Variants in MARK4 observed in about 807,000 individuals in gnomAD.
The protein encoded by MARK4 is MAP/microtubule affinity-regulating kinase 4.
A neutral mutation model predicts 81.5 loss-of-function variants in MARK4; 19 were observed. The ratio of observed to expected loss-of-function variants is 0.23; its 90% CI spans 0.16 to 0.34. The LOEUF (loss-of-function observed/expected upper bound fraction) is 0.34. MARK4 is among the 10% of genes least tolerant of loss of function. The pLI, the probability that MARK4 is intolerant of heterozygous loss-of-function variation, is 1.00. For missense variants in MARK4, 772 were observed against 1,058.8 expected (o/e 0.73, Z 3.76); for synonymous variants, 436 against 439.0 (o/e 0.99, Z 0.08).
intron 7 of MARK4, 103 bp downstream of exon 7, chr19:45,266,384 C>A: frequency 9.0e-7 from 1 of 1,114,076 alleles, no homozygotes; most frequent in Non-Finnish European, 1.4e-6. Flanking sequence ...GCAAATTCCT[C>A]CAGCCCTTTT....
At chr19:45,270,027 C>T (rs1369055659) in intron 7 of MARK4, among the ~76,000 whole-genome samples, 1 of 152,028 alleles carries the variant, frequency 6.6e-6, no homozygotes, top group Non-Finnish European at 1.5e-5. Context: ...AGGGTTTTAC[C>T]ATGTTGCCCA....
chr19:45,259,340 A>G, intron 2 of MARK4, 151 bp downstream of exon 2: 2 of 827,056 alleles, frequency 2.4e-6, no homozygotes, highest in East Asian at 5.4e-5. Context: ...AATATCTCTG[A>G]TGTTCCCAGA....
intron 8 of MARK4, among the ~76,000 whole-genome samples, chr19:45,273,429 C>T (rs1005405401): frequency 5.9e-5 from 9 of 152,156 alleles, no homozygotes; most frequent in African/African-American, 2.2e-4. Flanking sequence ...ACAGGAAATA[C>T]AGCAGTGGTA....
intron 1 of MARK4, among the ~76,000 whole-genome samples, chr19:45,254,457 T>TG (rs911122042): frequency 2.0e-5 from 3 of 152,176 alleles, no homozygotes; most frequent in Admixed American, 6.5e-5. Context: ...CCTGCCTCCC[T>TG]GGTCTCTCCT....
At chr19:45,262,453 TC>T (rs1970393110) in intron 2 of MARK4, among the ~76,000 whole-genome samples, 1 of 152,198 alleles carries the variant, frequency 6.6e-6, no homozygotes, top group South Asian at 2.1e-4. Flanking sequence ...AAGCGCATAG[TC>T]CTTGTAGTGA....
At chr19:45,276,622 AT>A (rs764253527) in intron 8 of MARK4, among the ~76,000 whole-genome samples, 10,972 of 123,614 alleles carry the variant, frequency 0.089, 413 homozygotes, top group Middle Eastern at 0.12. Flanking sequence ...CATTTTACAG[AT>A]TTTTTTTTTT....
At chr19:45,266,825 T>C (rs372948734) in intron 7 of MARK4, among the ~76,000 whole-genome samples, 2,359 of 146,670 alleles carry the variant, frequency 0.016, 78 homozygotes, top group African/African-American at 0.057. Flanking sequence ...CTCCGCCTCC[T>C]GGGTTCACAC....
chr19:45,263,158 C>A lies in MARK4; in HGVS notation c.298C>A (p.Leu100Met), dbSNP rs1386706763. 1.9e-6 allele frequency: 3 copies of A among 1,609,374 alleles called. No individual in the cohort carries two copies. In the East Asian group the frequency reaches 6.7e-5, roughly 36 times the overall value. The stretch of plus-strand genomic sequence containing the variant: ...CAAAACCCAGCTGAATCCCAGCAGC[C>A]TGCAGAAGGTGAGGCTGGGGAGACG... ...IDKTQLNPSS[L>M]QKLFREVRIM... The change falls in exon 3 of 17, where the codon CTG becomes ATG. Residue 100 changes from leucine to methionine, a missense_variant. Around this residue, in one of 3 missense-constraint regions of MARK4, gnomAD observed 115 missense variants for 139.8 expected, o/e 0.82. Transcript: ENST00000262891.
In MARK4 at chr19:45,271,794, T is replaced by G; in HGVS notation, c.786+86T>G. 1.5e-6 allele frequency: 2 copies of G among 1,293,558 alleles called. No homozygotes were observed. Among genetic ancestry groups the G allele is most frequent in the South Asian group, 2.7e-5 (2 of 73,058 alleles). The allele number at this position is 1,293,558 out of a possible 1,614,324, so 80.1% of individuals were successfully genotyped here. ...CCCCACACCTCCCCTGCAGAGGGCC[T>G]CAGTGGTGGGACTGGCCTGAGTTCT... is the stretch of plus-strand genomic sequence containing the variant. On this transcript the variant is annotated intron_variant, in intron 8 of 16. Coordinates refer to ENST00000262891, the MANE Select transcript of MARK4 (RefSeq NM_001199867.2). The surrounding 1 kb of genome is among the most constrained non-coding windows in gnomAD (Gnocchi z 4.1).
intron 1 of MARK4, among the ~76,000 whole-genome samples, chr19:45,254,768 C>T (rs1970286508): frequency 2.0e-5 from 3 of 152,246 alleles, no homozygotes; most frequent in Admixed American, 2.0e-4. Context: ...ACTGTGTGAC[C>T]TTCACATGGC....
chr19:45,267,596 A>G (rs531656969), intron 7 of MARK4, among the ~76,000 whole-genome samples: 1 of 152,284 alleles, frequency 6.6e-6, no homozygotes, highest in East Asian at 1.9e-4. Flanking sequence ...TTTTGTGAGC[A>G]CCTGTGTGCT....
chr19:45,297,578 C>T (rs1426995498), intron 14 of MARK4, 98 bp from the exon 15 acceptor site: 4 of 705,054 alleles, frequency 5.7e-6, no homozygotes, highest in Admixed American at 3.0e-5. Flanking sequence ...AGGCTGGTTG[C>T]AGTCCCTGGT....
chr19:45,299,525 CTT>C (rs1970938306), intron 15 of MARK4, among the ~76,000 whole-genome samples: 1 of 152,280 alleles, frequency 6.6e-6, no homozygotes, highest in Admixed American at 6.5e-5. Flanking sequence ...GTGTCTCTCT[CTT>C]TCTCTCTGTG....
chr19:45,266,389 C>A, intron 7 of MARK4, 108 bp downstream of exon 7: 2 of 1,022,750 alleles, frequency 2.0e-6, no homozygotes, highest in Non-Finnish European at 3.1e-6. Context: ...TTCCTCCAGC[C>A]CTTTTCTCCT....
rs763957986 is a variant in MARK4, at chr19:45,302,428, C to T, written c.1977C>T (p.Pro659=). 1.9e-6 allele frequency: 3 copies of T among 1,614,092 alleles called. No homozygotes were observed. The highest frequency in any genetic ancestry group is 2.2e-5 in the South Asian group (2 of 91,084). Residue 659 remains proline (P), a synonymous_variant, in exon 17 of 17, where the codon CCC becomes CCT. Transcript: ENST00000262891. The surrounding 1 kb of genome is among the most constrained non-coding windows in gnomAD (Gnocchi z 4.9). ...TETAPRLLRF[P]WSVKLTSSRP... ...CCGCCCCCCGGCTGCTCCGATTCCC[C>T]TGGAGTGTGAAGCTGACCAGCTCGC...
chr19:45,260,755 C>T (rs1396706043), intron 2 of MARK4, among the ~76,000 whole-genome samples: 1 of 151,972 alleles, frequency 6.6e-6, no homozygotes, highest in Non-Finnish European at 1.5e-5. Context: ...ATAAATAAAC[C>T]TGAGCTGCCT....
Position 45,283,698 on chromosome 19 carries a change from C to T in MARK4, c.1276+2964C>T, listed in dbSNP as rs1382079678. On this transcript the variant is annotated intron_variant, in intron 12 of 16. Coordinates refer to ENST00000262891, the MANE Select transcript of MARK4 (RefSeq NM_001199867.2). ...CATTCATGAACACGTGGATTGCCTC[C>T]ACTTTTTGGCTGTTGTGAATGATGC... Among the ~76,000 whole-genome samples the T allele has an allele frequency of 2.6e-5, 4 of 152,136 alleles. 1 individual carries two copies. The South Asian group carries it at 6.2e-4, about 24-fold the overall frequency.
intron 8 of MARK4, among the ~76,000 whole-genome samples, chr19:45,272,397 A>G (rs1486887344): frequency 6.6e-6 from 1 of 152,174 alleles, no homozygotes; most frequent in East Asian, 1.9e-4. Context: ...CCTTGAAAAC[A>G]TTGTGCTAAG....
chr19:45,285,387 G>A (rs1970729343), intron 12 of MARK4, among the ~76,000 whole-genome samples: 1 of 152,104 alleles, frequency 6.6e-6, no homozygotes, highest in East Asian at 1.9e-4. Flanking sequence ...GCTGTAATGG[G>A]GGCACAGGAG....
Sources: gnomAD v4.1 joint callset for allele counts (sites outside exome capture counted in the v4.1 genomes callset) on GRCh38, gnomAD v4.1.1 for gene constraint, gnomAD v4.1.1 regional missense constraint, Gnocchi (gnomAD v3.1) non-coding constraint, MANE v1.5 for transcripts, NCBI Gene and HGNC (gene_info 2026-07-23, HGNC 2026-07-21) for gene names.